Variants in CACUL1 observed in about 807,000 individuals in gnomAD.
CACUL1 encodes the protein CDK2-associated and cullin domain-containing protein 1.
A neutral mutation model predicts 45.2 loss-of-function variants in CACUL1; 13 were observed. The observed-to-expected ratio is 0.29, with a 90% CI of 0.19 to 0.46. CACUL1 has a LOEUF of 0.46. Among genes scored for constraint, CACUL1 ranks in the 20% least tolerant of loss-of-function variants. The pLI, the probability that CACUL1 is intolerant of heterozygous loss-of-function variation, is 1.00. For missense variants in CACUL1, 421 were observed against 471.4 expected (o/e 0.89, Z 0.99); for synonymous variants, 197 against 174.2 (o/e 1.13, Z -1.03).
intron 1 of CACUL1, among the ~76,000 whole-genome samples, chr10:118,745,974 T>TAA (rs1305797647): frequency 1.8e-5 from 2 of 112,184 alleles, no homozygotes; most frequent in East Asian, 2.4e-4. Context: ...CCATCTCTAC[T>TAA]AAAAAAAAAA....
At chr10:118,719,539 C>T (rs1845581258) in intron 3 of CACUL1, among the ~76,000 whole-genome samples, 3 of 152,160 alleles carry the variant, frequency 2.0e-5, no homozygotes, top group Admixed American at 2.0e-4. Context: ...TGGCCGGATG[C>T]GGTGGCTCAC....
intron 3 of CACUL1, among the ~76,000 whole-genome samples, chr10:118,714,749 T>G (rs1241822459): frequency 1.3e-5 from 2 of 152,206 alleles, no homozygotes; most frequent in Non-Finnish European, 2.9e-5. Flanking sequence ...AAAATATTTT[T>G]TAAAGTATAA....
chr10:118,726,466 T>C (rs1490575434), intron 3 of CACUL1: 1 of 403,564 alleles, frequency 2.5e-6, no homozygotes, highest in Non-Finnish European at 4.4e-6. Flanking sequence ...GCCTGTGAAG[T>C]AGTCAGACAG....
chr10:118,696,705 G>A (rs1378802124), intron 5 of CACUL1, among the ~76,000 whole-genome samples: 3 of 152,242 alleles, frequency 2.0e-5, no homozygotes, highest in Non-Finnish European at 2.9e-5. Context: ...GGCCGCATGC[G>A]GCCCGCAGGC....
Position 118,682,634 on chromosome 10 carries a change from C to G in CACUL1, c.*3494G>C, listed in dbSNP as rs191350118. The G allele has an allele frequency of 6.6e-6, 1 of 152,646 alleles. No individual in the cohort carries two copies. Among genetic ancestry groups the G allele is most frequent in the Non-Finnish European group, 1.5e-5 (1 of 68,046 alleles). The allele number at this position is 152,646 out of a possible 1,614,324, so 9.5% of individuals were successfully genotyped here. Reference sequence around the variant, plus strand: ...TTTGTGCTGAAAAACGTTCAAATCCCTTGTTTGGTCAGTACAGAATATTGC... The same window carrying G: ...TTTGTGCTGAAAAACGTTCAAATCCGTTGTTTGGTCAGTACAGAATATTGC... On this transcript the variant is annotated 3_prime_UTR_variant, in exon 9 of 9. Transcript: ENST00000369151.
intron 7 of CACUL1, among the ~76,000 whole-genome samples, chr10:118,690,102 C>A (rs1309083969): frequency 6.6e-6 from 1 of 152,074 alleles, no homozygotes; most frequent in African/African-American, 2.4e-5. Context: ...GAGATCGAGA[C>A]CATCCTGGCT....
intron 7 of CACUL1, among the ~76,000 whole-genome samples, chr10:118,688,754 TAAGAGATAAAAA>T (rs997432416): frequency 1.3e-5 from 2 of 152,142 alleles, no homozygotes; most frequent in Non-Finnish European, 2.9e-5. Context: ...ATTATGTAGG[TAAGAGATAAAAA>T]GAAGCTGTTG....
intron 7 of CACUL1, among the ~76,000 whole-genome samples, chr10:118,689,716 C>A (rs1845243048): frequency 6.6e-6 from 1 of 152,004 alleles, no homozygotes; most frequent in Admixed American, 6.6e-5. Context: ...AGTCCTGCAC[C>A]CTGTTCTCTT....
rs59032746 is a variant in CACUL1 at position 118,700,716 on chromosome 10, C to CAAAAAAAAAAAAAAAAAAA, written c.796+571_796+589dup. Among the ~76,000 whole-genome samples, 49 of 132,904 alleles carry CAAAAAAAAAAAAAAAAAAA rather than the reference C, an allele frequency of 3.7e-4. 1 individual carries two copies. The highest frequency in any genetic ancestry group is 1.4e-3 in the African/African-American group (45 of 31,736). 87.2% of individuals were successfully genotyped at this position (132,904 alleles called of 152,430 possible). On this transcript the variant is annotated intron_variant, in intron 5 of 8. Transcript: ENST00000369151. ...TAGGCGACAGAGCGAGACTCCGTCT[C>CAAAAAAAAAAAAAAAAAAA]AAAAAAAAAAAAAAAAAAAGAATGG... is the stretch of plus-strand genomic sequence containing the variant.
At position 118,740,117 on chromosome 10, in the gene CACUL1, A is replaced by G. The variant is rs148215824; in HGVS notation, c.368-9707T>C. On this transcript the variant is annotated intron_variant, in intron 1 of 8. Transcript: ENST00000369151. ...ATCTGAGATCACACCACTGCACTCCAGCCTGGGCGACAGAGCGGGACTCTG... is the reference window on the plus strand; with the variant it reads ...ATCTGAGATCACACCACTGCACTCCGGCCTGGGCGACAGAGCGGGACTCTG... Among the ~76,000 whole-genome samples the G allele has an allele frequency of 5.8e-3, 885 of 152,354 alleles. 11 individuals are homozygous for G. Among genetic ancestry groups the G allele is most frequent in the African/African-American group, 0.019 (798 of 41,592 alleles).
chr10:118,683,317 C>T lies in CACUL1; in HGVS notation c.*2811G>A, dbSNP rs1845172174. ...GGTTTTGTATCTTCAATGATTTGGGCCTTTAGTGATGTGGTACAAAACCCA... is the reference window on the plus strand; with the variant it reads ...GGTTTTGTATCTTCAATGATTTGGGTCTTTAGTGATGTGGTACAAAACCCA... On this transcript the variant is annotated 3_prime_UTR_variant, in exon 9 of 9. Coordinates refer to ENST00000369151, the MANE Select transcript of CACUL1 (RefSeq NM_153810.5). 6.8e-6 allele frequency: 1 copy of T among 147,634 alleles called. No homozygotes were observed. The highest frequency in any genetic ancestry group is 2.2e-4 in the South Asian group (1 of 4,626). 9.1% of individuals were successfully genotyped at this position (147,634 alleles called of 1,614,324 possible). A position where few individuals can be genotyped will look rare whatever the true frequency, so the allele number is the denominator to read the frequency against.
At chr10:118,697,330 A>T (rs921452220) in intron 5 of CACUL1, among the ~76,000 whole-genome samples, 2 of 152,260 alleles carry the variant, frequency 1.3e-5, no homozygotes, top group Non-Finnish European at 2.9e-5. Flanking sequence ...GAGGCAGAAG[A>T]AGTTTGAGAA....
At chr10:118,748,500 T>C (rs566030174) in intron 1 of CACUL1, among the ~76,000 whole-genome samples, 1 of 152,212 alleles carries the variant, frequency 6.6e-6, no homozygotes, top group South Asian at 2.1e-4. Context: ...AAAAATAAAT[T>C]CCTTCATCTC....
intron 1 of CACUL1, among the ~76,000 whole-genome samples, chr10:118,731,334 G>A (rs562586954): frequency 6.6e-6 from 1 of 152,188 alleles, no homozygotes; most frequent in African/African-American, 2.4e-5. Flanking sequence ...GCTCATTACT[G>A]TCAGAGATAC....
chr10:118,695,944 T>G (rs1389001282), intron 5 of CACUL1, among the ~76,000 whole-genome samples: 1 of 152,222 alleles, frequency 6.6e-6, no homozygotes, highest in Admixed American at 6.5e-5. Flanking sequence ...TTTTAATTTA[T>G]CTCAAAGAGC....
intron 3 of CACUL1, among the ~76,000 whole-genome samples, chr10:118,713,460 A>G (rs1845512293): frequency 6.6e-6 from 1 of 152,162 alleles, no homozygotes; most frequent in Non-Finnish European, 1.5e-5. Context: ...TCCCTGCTAC[A>G]GCAGCGTGAT....
In CACUL1 at chr10:118,695,240, GA is replaced by G; in HGVS notation, c.797-11del. 1.3e-6 allele frequency: 2 copies of G among 1,499,112 alleles called. No individual in the cohort carries two copies. Among genetic ancestry groups the G allele is most frequent in the South Asian group, 1.1e-5 (1 of 88,684 alleles). 92.9% of individuals were successfully genotyped at this position (1,499,112 alleles called of 1,614,324 possible). ...GCTTCTAAAAGTAAAGCTGAAATAAGAAAACAGGTTAAAAAGAATGTAACAC... is the reference window on the plus strand; with the variant it reads ...GCTTCTAAAAGTAAAGCTGAAATAAGAAACAGGTTAAAAAGAATGTAACAC... On this transcript the variant is annotated splice_polypyrimidine_tract_variant and intron_variant, in intron 5 of 8. Transcript: ENST00000369151.
At chr10:118,737,573 C>G (rs188063473) in intron 1 of CACUL1, among the ~76,000 whole-genome samples, 1 of 152,090 alleles carries the variant, frequency 6.6e-6, no homozygotes, top group Admixed American at 6.6e-5. Flanking sequence ...CCCCAAAACA[C>G]TGTAAAACTT....
chr10:118,694,989 T>A, intron 6 of CACUL1, 152 bp downstream of exon 6: 1 of 549,844 alleles, frequency 1.8e-6, no homozygotes, highest in Admixed American at 2.8e-5. Flanking sequence ...AGCTCTGAGT[T>A]TACATTTCAC....
Sources: allele counts gnomAD v4.1 joint callset (sites outside exome capture counted in the v4.1 genomes callset), GRCh38; gene constraint gnomAD v4.1.1; transcripts MANE v1.5; gene names NCBI Gene and HGNC (gene_info 2026-07-23, HGNC 2026-07-21).